DSE: variants seen among roughly 807,000 people sequenced by gnomAD.
The protein encoded by DSE is dermatan sulfate epimerase.
A neutral mutation model predicts 84.4 loss-of-function variants in DSE; 36 were observed. The ratio of observed to expected loss-of-function variants is 0.43; its 90% CI spans 0.33 to 0.56. The LOEUF (loss-of-function observed/expected upper bound fraction) is 0.56, where lower values mean the gene tolerates loss of function less well. DSE is among the 20% of genes least tolerant of loss of function. The pLI is 0.06. For missense variants in DSE, 862 were observed against 1,169.6 expected (o/e 0.74, Z 3.84); for synonymous variants, 410 against 430.1 (o/e 0.95, Z 0.58).
chr6:116,417,004 C>T (rs1782757451), intron 2 of DSE, among the ~76,000 whole-genome samples: 1 of 152,032 alleles, frequency 6.6e-6, no homozygotes, highest in Non-Finnish European at 1.5e-5. Flanking sequence ...ATTGCCTTTC[C>T]AGGTTTTAAA....
At chr6:116,348,160 G>A (rs1433785730) in intron 2 of DSE, among the ~76,000 whole-genome samples, 2 of 152,212 alleles carry the variant, frequency 1.3e-5, no homozygotes, top group African/African-American at 4.8e-5. Context: ...GGGCACGGTG[G>A]CTCACGCCTG....
chr6:116,259,158 C>A, intron 2 of DSE: 1 of 937,462 alleles, frequency 1.1e-6, no homozygotes. Context: ...CGACGTAGAC[C>A]ATGCGCCACC....
At chr6:116,425,510 A>T (rs937742855) in intron 2 of DSE, among the ~76,000 whole-genome samples, 1 of 152,236 alleles carries the variant, frequency 6.6e-6, no homozygotes, top group Admixed American at 6.5e-5. Flanking sequence ...TTCCTGCTTA[A>T]TGCAAGCCAC....
Position 116,403,813 on chromosome 6 carries a change from G to A in DSE, c.416+4147G>A, listed in dbSNP as rs554757394. ...CATAGGGCTTTTATGAAGAACCCTC[G>A]CAGCCTTCTCATCCTTGCAGTGTAC... On this transcript the variant is annotated intron_variant, in intron 2 of 5. Transcript: ENST00000644252. Among the ~76,000 whole-genome samples, 11 of 152,234 alleles carry A rather than the reference G, an allele frequency of 7.2e-5. No individual in the cohort carries two copies. In the South Asian group the frequency reaches 1.0e-3, roughly 14 times the overall value.
chr6:116,427,743 C>A (rs1202368846), intron 3 of DSE, among the ~76,000 whole-genome samples: 1 of 152,212 alleles, frequency 6.6e-6, no homozygotes, highest in Non-Finnish European at 1.5e-5. Flanking sequence ...CCACTTCTGG[C>A]CATCCATAAA....
chr6:116,354,595 T>G (rs1230830045), intron 2 of DSE, among the ~76,000 whole-genome samples: 2 of 152,200 alleles, frequency 1.3e-5, no homozygotes, highest in Non-Finnish European at 2.9e-5. Flanking sequence ...GATGGTATTT[T>G]CTGGCTTTTG....
chr6:116,405,612 T>C (rs1034129965), intron 2 of DSE, among the ~76,000 whole-genome samples: 1 of 152,236 alleles, frequency 6.6e-6, no homozygotes, highest in Non-Finnish European at 1.5e-5. Context: ...TTAAAAATAC[T>C]ATAGAAGGGT....
Position 116,332,244 on chromosome 6 carries a change from A to G in DSE, c.-53-66954A>G, listed in dbSNP as rs2114793617. Among the ~76,000 whole-genome samples, 2 of 152,348 alleles carry G rather than the reference A, an allele frequency of 1.3e-5. 1 individual carries two copies. The highest frequency in any genetic ancestry group is 4.1e-4 in the South Asian group (2 of 4,828). ...GAAACATAAAACATTCCCAAGAGAC[A>G]TTAAAAAAGACAAATCAATGAATAC... On this transcript the variant is annotated intron_variant, in intron 2 of 3. Transcript: ENST00000430252.
chr6:116,343,664 C>T (rs945413274), intron 2 of DSE, among the ~76,000 whole-genome samples: 3 of 152,120 alleles, frequency 2.0e-5, no homozygotes, highest in African/African-American at 7.2e-5. Flanking sequence ...TAGATAAAAC[C>T]ACAAAGATGG....
chr6:116,312,027 G>C (rs1469621520), intron 2 of DSE, among the ~76,000 whole-genome samples: 1 of 152,130 alleles, frequency 6.6e-6, no homozygotes, highest in Non-Finnish European at 1.5e-5. Flanking sequence ...TTGTATAAGA[G>C]AGTAGAAGTA....
At chr6:116,381,381 C>G (rs1780214506) in intron 1 of DSE, among the ~76,000 whole-genome samples, 1 of 152,108 alleles carries the variant, frequency 6.6e-6, no homozygotes, top group South Asian at 2.1e-4. Flanking sequence ...ATTATGAAAG[C>G]TCTTGGACAA....
Position 116,442,266 on chromosome 6 carries a change from C to G in DSE, c.*4921C>G, listed in dbSNP as rs1420873388. 1 of 152,256 alleles carries G rather than the reference C, an allele frequency of 6.6e-6. No individual in the cohort carries two copies. The highest frequency in any genetic ancestry group is 1.5e-5 in the Non-Finnish European group (1 of 68,126). The allele number at this position is 152,256 out of a possible 1,614,324, so 9.4% of individuals were successfully genotyped here. On this transcript the variant is annotated 3_prime_UTR_variant, in exon 6 of 6. Transcript: ENST00000644252. ...GGAATAGGATCAGATCATACATGCTCTCACAGACTGCAGCAAAGACTTGGA... is the reference window on the plus strand; with the variant it reads ...GGAATAGGATCAGATCATACATGCTGTCACAGACTGCAGCAAAGACTTGGA...
At chr6:116,303,277 G>C (rs1161145112) in intron 2 of DSE, among the ~76,000 whole-genome samples, 1 of 151,976 alleles carries the variant, frequency 6.6e-6, no homozygotes, top group East Asian at 1.9e-4. Context: ...CCTTCAGGAA[G>C]ACTTCTTGAA....
intron 2 of DSE, among the ~76,000 whole-genome samples, chr6:116,426,081 A>G (rs1377702811): frequency 6.6e-6 from 1 of 152,218 alleles, no homozygotes; most frequent in Non-Finnish European, 1.5e-5. Flanking sequence ...TTGAGAGATC[A>G]TGGATTATGG....
chr6:116,257,466 C>G (rs1391358195), intron 1 of DSE: 1 of 152,206 alleles, frequency 6.6e-6, no homozygotes, highest in Non-Finnish European at 1.5e-5. Context: ...GTTGAACTTT[C>G]TTCTTTATCT....
chr6:116,367,887 C>T (rs186262276), upstream of DSE, among the ~76,000 whole-genome samples: 130 of 152,228 alleles, frequency 8.5e-4, no homozygotes, highest in African/African-American at 2.9e-3. Context: ...TGGAGGTGGA[C>T]AGATGGAGTT....
chr6:116,306,814 C>T (rs997007587), intron 2 of DSE, among the ~76,000 whole-genome samples: 1 of 152,070 alleles, frequency 6.6e-6, no homozygotes, highest in African/African-American at 2.4e-5. Flanking sequence ...GGGATTTGTG[C>T]CCTAAGAGCT....
intron 2 of DSE, among the ~76,000 whole-genome samples, chr6:116,282,481 C>T (rs959644809): frequency 2.6e-5 from 4 of 152,104 alleles, no homozygotes; most frequent in Non-Finnish European, 5.9e-5. Context: ...GCTAGGAAAA[C>T]TCTAATTAGG....
intron 1 of DSE, among the ~76,000 whole-genome samples, chr6:116,382,590 T>C (rs1452044562): frequency 3.3e-5 from 5 of 152,238 alleles, no homozygotes; most frequent in African/African-American, 7.2e-5. Flanking sequence ...ATTATGCTTA[T>C]ACCACATAGT....
Sources: allele counts gnomAD v4.1 joint callset (sites outside exome capture counted in the v4.1 genomes callset), GRCh38; gene constraint gnomAD v4.1.1; transcripts MANE v1.5; gene names NCBI Gene and HGNC (gene_info 2026-07-23, HGNC 2026-07-21).